The following ARB2A variants were observed in gnomAD, a reference collection of about 807,000 sequenced individuals.
The protein encoded by ARB2A is cotranscriptional regulator ARB2A.
chr5:94,003,411 A>C, the ARB2A span, among the ~76,000 whole-genome samples: 1 of 152,144 alleles, frequency 6.6e-6, no homozygotes. Flanking sequence ...TAGAATTAAA[A>C]CTGTACTTAT....
At chr5:94,018,002 T>G in the ARB2A span, among the ~76,000 whole-genome samples, 62 of 152,306 alleles carry the variant, frequency 4.1e-4, no homozygotes, top group African/African-American at 1.4e-3. Context: ...TGCTTCTTCC[T>G]CATTGTTCTC....
At chr5:93,812,000 TGAGA>T in the ARB2A span, among the ~76,000 whole-genome samples, 2 of 152,104 alleles carry the variant, frequency 1.3e-5, no homozygotes, top group African/African-American at 4.8e-5. Context: ...CAGAATTCTA[TGAGA>T]GTGAGGCAGA....
the ARB2A span, among the ~76,000 whole-genome samples, chr5:93,815,165 A>C: frequency 3.9e-5 from 6 of 152,216 alleles, no homozygotes; most frequent in Non-Finnish European, 7.3e-5. Flanking sequence ...CAATCCACAA[A>C]GTCAAACTTT....
chr5:93,786,034 T>G, the ARB2A span, among the ~76,000 whole-genome samples: 1 of 152,200 alleles, frequency 6.6e-6, no homozygotes, highest in Non-Finnish European at 1.5e-5. Flanking sequence ...TCTCATTTTC[T>G]AAATGGTAAC....
chr5:93,624,615 A>C, the ARB2A span, among the ~76,000 whole-genome samples: 1 of 152,170 alleles, frequency 6.6e-6, no homozygotes, highest in Non-Finnish European at 1.5e-5. Flanking sequence ...ACCTTTGCTC[A>C]GTTTCAATCA....
chr5:94,004,941 T>C, the ARB2A span, among the ~76,000 whole-genome samples: 2 of 144,288 alleles, frequency 1.4e-5, no homozygotes, highest in African/African-American at 5.2e-5. Context: ...ACCACCTTCT[T>C]GTACTTAGGA....
At chr5:93,902,067 T>A in the ARB2A span, among the ~76,000 whole-genome samples, 1 of 152,074 alleles carries the variant, frequency 6.6e-6, no homozygotes, top group African/African-American at 2.4e-5. Context: ...TCAAGTGTAG[T>A]AGGTAGTAGA....
the ARB2A span, among the ~76,000 whole-genome samples, chr5:93,927,706 T>C: frequency 6.6e-6 from 1 of 152,154 alleles, no homozygotes; most frequent in Admixed American, 6.5e-5. Flanking sequence ...TGAATCCAAT[T>C]TGAGGTGTTA....
chr5:93,638,228 T>C, the ARB2A span, among the ~76,000 whole-genome samples: 5 of 152,222 alleles, frequency 3.3e-5, no homozygotes, highest in African/African-American at 1.2e-4. Flanking sequence ...CTATGAGTGC[T>C]GGCAAATTAC....
At chr5:93,698,049 T>C in the ARB2A span, among the ~76,000 whole-genome samples, 1 of 152,060 alleles carries the variant, frequency 6.6e-6, no homozygotes, top group Admixed American at 6.6e-5. Context: ...AATATTTTGG[T>C]AAGAGTGATT....
At chr5:93,633,804 T>C in the ARB2A span, among the ~76,000 whole-genome samples, 1 of 152,132 alleles carries the variant, frequency 6.6e-6, no homozygotes, top group African/African-American at 2.4e-5. Flanking sequence ...TTGACAAATC[T>C]ACCCTGTCTA....
the ARB2A span, among the ~76,000 whole-genome samples, chr5:94,077,133 C>T: frequency 1.4e-4 from 21 of 151,672 alleles, no homozygotes; most frequent in South Asian, 3.3e-3. Context: ...CCAGCACTTT[C>T]GGAGGCTGAG....
chr5:93,981,418 G>T, the ARB2A span, among the ~76,000 whole-genome samples: 41 of 151,858 alleles, frequency 2.7e-4, no homozygotes, highest in Non-Finnish European at 4.9e-4. Context: ...TAAGTTCCTT[G>T]AGAAGAAAGA....
chr5:94,023,286 A>G, the ARB2A span, among the ~76,000 whole-genome samples: 1 of 152,210 alleles, frequency 6.6e-6, no homozygotes, highest in East Asian at 1.9e-4. Context: ...GCAGACCCAT[A>G]TCACTATCAG....
the ARB2A span, among the ~76,000 whole-genome samples, chr5:93,730,714 G>A: frequency 3.9e-5 from 6 of 152,198 alleles, no homozygotes; most frequent in East Asian, 3.9e-4. Flanking sequence ...AATTCTTAGC[G>A]AAAAGTGACA....
chr5:93,943,581 T>C, the ARB2A span, among the ~76,000 whole-genome samples: 2 of 152,100 alleles, frequency 1.3e-5, no homozygotes, highest in Admixed American at 6.5e-5. Context: ...ATTTTCGTAT[T>C]ATTATCTACT....
At chr5:93,975,905 G>A in the ARB2A span, among the ~76,000 whole-genome samples, 15 of 151,944 alleles carry the variant, frequency 9.9e-5, no homozygotes, top group African/African-American at 3.6e-4. Context: ...AGTCAAGGAG[G>A]AGGGACTCCT....
chr5:94,034,844 C>G, the ARB2A span, among the ~76,000 whole-genome samples: 1 of 152,188 alleles, frequency 6.6e-6, no homozygotes, highest in Non-Finnish European at 1.5e-5. Flanking sequence ...GGTGAGGGAG[C>G]ATTACTGCCT....
the ARB2A span, among the ~76,000 whole-genome samples, chr5:94,016,534 TC>T: frequency 6.6e-6 from 1 of 152,212 alleles, no homozygotes; most frequent in Non-Finnish European, 1.5e-5. Flanking sequence ...GTCTTGTCCC[TC>T]CTTTGTATAC....
Sources: gnomAD v4.1 joint callset for allele counts (sites outside exome capture counted in the v4.1 genomes callset) on GRCh38, gnomAD v4.1.1 for gene constraint, MANE v1.5 for transcripts, NCBI Gene and HGNC (gene_info 2026-07-23, HGNC 2026-07-21) for gene names.